YEATS2: variants seen among roughly 807,000 people sequenced by gnomAD.
YEATS2 encodes the protein YEATS domain-containing protein 2.
YEATS2 carries 77 observed loss-of-function variants against 163.2 expected under a neutral mutation model. The observed-to-expected ratio is 0.47, with a 90% CI of 0.39 to 0.57. The LOEUF is 0.57. YEATS2 is among the 20% of genes least tolerant of loss of function. The probability of loss-of-function intolerance (pLI) is 0.00; values close to 1 mark genes in which losing one functional copy is unlikely to be tolerated. For synonymous variants in YEATS2, 631 were observed against 645.1 expected (o/e 0.98, Z 0.33); for missense variants, 1,549 against 1,729.8 (o/e 0.90, Z 1.85).
chr3:183,794,687 G>C (rs1724968748), intron 21 of YEATS2, among the ~76,000 whole-genome samples: 1 of 152,210 alleles, frequency 6.6e-6, no homozygotes, highest in Non-Finnish European at 1.5e-5. Flanking sequence ...AGTTTCTACT[G>C]AGTGCCTGTT....
Position 183,775,967 on chromosome 3 carries a change from A to AGGC in YEATS2, c.2423_2424insCGG (p.Gly814dup), listed in dbSNP as rs1722950349. The AGGC allele has an allele frequency of 6.2e-7, 1 of 1,606,096 alleles. No homozygotes were observed. Among genetic ancestry groups the AGGC allele is most frequent in the African/African-American group, 1.3e-5 (1 of 74,436 alleles). On this transcript the variant is annotated inframe_insertion, in exon 18 of 31. Coordinates refer to ENST00000305135, the MANE Select transcript of YEATS2 (RefSeq NM_018023.5). ...GTGGGAGTGGTGCCGGAGGAGGAGG[A>AGGC]GGAGGAGGAGGAGGAGGCGGCAGTG...
At chr3:183,750,333 A>G (rs944062102) in intron 9 of YEATS2, among the ~76,000 whole-genome samples, 3 of 152,190 alleles carry the variant, frequency 2.0e-5, no homozygotes, top group African/African-American at 7.2e-5. Flanking sequence ...TCACCTGCTG[A>G]TGGACACTTG....
intron 7 of YEATS2, among the ~76,000 whole-genome samples, chr3:183,734,831 A>G (rs922507227): frequency 2.0e-5 from 3 of 152,026 alleles, no homozygotes; most frequent in Admixed American, 1.3e-4. Flanking sequence ...TTTAATCCCC[A>G]TAGTCTTATG....
At chr3:183,737,889 G>A (rs868767976) in intron 8 of YEATS2, among the ~76,000 whole-genome samples, 2 of 152,120 alleles carry the variant, frequency 1.3e-5, no homozygotes, top group Non-Finnish European at 2.9e-5. Context: ...TTGAAGATTT[G>A]TGGCAACCCT....
chr3:183,802,665 C>CA (rs1438071510), intron 25 of YEATS2: 1 of 152,216 alleles, frequency 6.6e-6, no homozygotes. Flanking sequence ...CTTGGTGGCT[C>CA]ACGCCTGTAA....
At chr3:183,808,543 A>G (rs1032645758) in intron 29 of YEATS2, among the ~76,000 whole-genome samples, 4 of 152,226 alleles carry the variant, frequency 2.6e-5, no homozygotes, top group African/African-American at 9.6e-5. Context: ...ATACCTCCGT[A>G]ACAACTGCTT....
chr3:183,775,917 C>G lies in YEATS2; in HGVS notation c.2371C>G (p.Leu791Val), dbSNP rs1190400439. ...AILRATNNAN[L>V]QSGSAASGGS... ...GCTGTCATTCATTGTATTTTTAGAT[C>G]TCCAGTCTGGCTCAGCTGCCAGTGG... is the stretch of plus-strand genomic sequence containing the variant. The change falls in exon 18 of 31, where the codon CTC becomes GTC. Residue 791 changes from leucine to valine, a missense_variant and splice_region_variant. Physicochemically the swap from Leu to Val is conservative, Grantham distance 32. Transcript: ENST00000305135. 1 of 1,612,046 alleles carries G rather than the reference C, an allele frequency of 6.2e-7. No individual in the cohort carries two copies. Among genetic ancestry groups the G allele is most frequent in the African/African-American group, 1.3e-5 (1 of 74,842 alleles).
intron 1 of YEATS2, among the ~76,000 whole-genome samples, chr3:183,707,793 C>G (rs1293569884): frequency 1.3e-5 from 2 of 150,212 alleles, no homozygotes; most frequent in African/African-American, 2.5e-5. Context: ...AAGCAATTCT[C>G]CTGCCCTGAG....
chr3:183,772,439 CCA>C lies in YEATS2; in HGVS notation c.2083_2084del (p.Gln695ArgfsTer51). The C allele has an allele frequency of 6.2e-7, 1 of 1,614,088 alleles. No individual in the cohort carries two copies. On this transcript the variant is annotated frameshift_variant, in exon 16 of 31. Coordinates refer to ENST00000305135, the MANE Select transcript of YEATS2 (RefSeq NM_018023.5). LOFTEE classifies it high-confidence loss of function. Reference protein sequence around the residue: ...KAVGPKQVVTQGVAKAIVSGG... With the variant: ...KAVGPKQVVTXGVAKAIVSGG... ...CAGTTGGGCCAAAGCAAGTTGTAACCCAAGGAGTTGCCAAAGCAATTGTGAGT... is the reference window on the plus strand; with the variant it reads ...CAGTTGGGCCAAAGCAAGTTGTAACCAGGAGTTGCCAAAGCAATTGTGAGT...
At chr3:183,754,461 G>A in intron 11 of YEATS2, 96 bp downstream of exon 11, 2 of 1,475,810 alleles carry the variant, frequency 1.4e-6, no homozygotes, top group South Asian at 1.4e-5. Flanking sequence ...TTTCTCTTAA[G>A]TTCTTCTAAG....
chr3:183,714,322 A>C (rs1715595616), intron 1 of YEATS2, among the ~76,000 whole-genome samples: 1 of 150,780 alleles, frequency 6.6e-6, no homozygotes, highest in Non-Finnish European at 1.5e-5. Flanking sequence ...CAATCTCCCG[A>C]GTAGCTGGGA....
intron 16 of YEATS2, among the ~76,000 whole-genome samples, chr3:183,772,777 A>ACC (rs1343192942): frequency 3.3e-5 from 5 of 150,084 alleles, no homozygotes; most frequent in South Asian, 2.1e-4. Flanking sequence ...ACACACACAC[A>ACC]CCCACATACA....
At chr3:183,705,184 G>A (rs1447924253) in intron 1 of YEATS2, among the ~76,000 whole-genome samples, 1 of 151,948 alleles carries the variant, frequency 6.6e-6, no homozygotes, top group Non-Finnish European at 1.5e-5. Context: ...CAAGTAGCTG[G>A]GAGTACAGGT....
chr3:183,747,836 G>C (rs1278597166), intron 9 of YEATS2, 120 bp downstream of exon 9: 1 of 848,052 alleles, frequency 1.2e-6, no homozygotes, highest in Non-Finnish European at 1.9e-6. Context: ...CTGGAGTGCA[G>C]TGGCATGATC....
chr3:183,788,090 A>G (rs1724239832), intron 20 of YEATS2, among the ~76,000 whole-genome samples: 1 of 152,208 alleles, frequency 6.6e-6, no homozygotes, highest in Admixed American at 6.5e-5. Context: ...CAGGCATACA[A>G]TGCGTAATAA....
chr3:183,779,949 G>T (rs1371777182), intron 19 of YEATS2, among the ~76,000 whole-genome samples: 1 of 151,000 alleles, frequency 6.6e-6, no homozygotes, highest in Non-Finnish European at 1.5e-5. Context: ...GCCCGCCTCG[G>T]CCTCCCAATG....
intron 8 of YEATS2, among the ~76,000 whole-genome samples, chr3:183,744,105 T>C (rs1451555324): frequency 9.7e-5 from 2 of 20,724 alleles, no homozygotes; most frequent in Non-Finnish European, 1.7e-4. Context: ...AGTTTTGCTT[T>C]TTTTTTTTTT....
At chr3:183,761,325 G>A (rs1004219502) in intron 13 of YEATS2, among the ~76,000 whole-genome samples, 182 bp from the exon 14 acceptor site, 12 of 152,038 alleles carry the variant, frequency 7.9e-5, no homozygotes, top group Non-Finnish European at 1.0e-4. Context: ...GACCTCAGGC[G>A]ATCCACCCAC....
intron 7 of YEATS2, among the ~76,000 whole-genome samples, chr3:183,730,263 C>T (rs562625749): frequency 6.6e-6 from 1 of 151,474 alleles, no homozygotes; most frequent in Non-Finnish European, 1.5e-5. Flanking sequence ...CGGGGTTTTG[C>T]CATGTTGGCC....
Sources: gnomAD v4.1 joint callset for allele counts (sites outside exome capture counted in the v4.1 genomes callset) on GRCh38, gnomAD v4.1.1 for gene constraint, MANE v1.5 for transcripts, NCBI Gene and HGNC (gene_info 2026-07-23, HGNC 2026-07-21) for gene names.